RAI14: variants seen among roughly 807,000 people sequenced by gnomAD.
RAI14 encodes the protein ankycorbin.
Under a neutral mutation model 115.4 loss-of-function variants are expected in RAI14, and 45 were observed. That is an observed-to-expected ratio of 0.39 (90% CI 0.31 to 0.50). The LOEUF (loss-of-function observed/expected upper bound fraction) is 0.50, where lower values mean the gene tolerates loss of function less well. Ranked by LOEUF, RAI14 falls within the 20% of genes least tolerant of loss-of-function variation. The pLI is 0.85. For synonymous variants in RAI14, 371 were observed against 415.4 expected, an observed-to-expected ratio of 0.89 and a Z score of 1.30; for missense variants, 939 against 1,131.2, an observed-to-expected ratio of 0.83 and a Z score of 2.44.
chr5:34,767,277 C>T (rs1307441076), intron 3 of RAI14, among the ~76,000 whole-genome samples: 1 of 152,174 alleles, frequency 6.6e-6, no homozygotes, highest in Non-Finnish European at 1.5e-5. Context: ...CTTTTCCTCT[C>T]TCTGTTCCCT....
chr5:34,766,752 T>A (rs1324136601), intron 3 of RAI14, among the ~76,000 whole-genome samples: 1 of 152,144 alleles, frequency 6.6e-6, no homozygotes, highest in Non-Finnish European at 1.5e-5. Flanking sequence ...TTGAAATCTC[T>A]CCACATGAGA....
chr5:34,686,935 G>A lies in RAI14; in HGVS notation c.16G>A (p.Ala6Thr). Residue 6 changes from alanine to threonine, a missense_variant, in exon 2 of 18, where the codon GCG becomes ACG. Coordinates refer to ENST00000265109, the MANE Select transcript of RAI14 (RefSeq NM_015577.3). MKSLK[A>T]KFRKSDTNEW... ...TGCACTAAACATGAAGAGCTTGAAAGCGAAGTTCAGGAAGAGTGACGTGAG... is the reference window on the plus strand; with the variant it reads ...TGCACTAAACATGAAGAGCTTGAAAACGAAGTTCAGGAAGAGTGACGTGAG... 1 of 1,613,792 alleles carries A rather than the reference G, an allele frequency of 6.2e-7. No individual in the cohort carries two copies. Among genetic ancestry groups the A allele is most frequent in the Non-Finnish European group, 8.5e-7 (1 of 1,179,838 alleles).
Position 34,686,892 on chromosome 5 carries a change from G to T in RAI14, c.-28G>T, listed in dbSNP as rs763169622. ...CTTAGGTGTTGAAAAGTCTCCTCTA[G>T]AGCTTTGGAAGGCTGAATGCACTAA... is the stretch of plus-strand genomic sequence containing the variant. On this transcript the variant is annotated 5_prime_UTR_variant, in exon 2 of 18. Coordinates refer to ENST00000265109, the MANE Select transcript of RAI14 (RefSeq NM_015577.3). 23 of 1,612,408 alleles carry T rather than the reference G, an allele frequency of 1.4e-5. No individual in the cohort carries two copies. Among genetic ancestry groups the T allele is most frequent in the Non-Finnish European group, 1.9e-5 (22 of 1,179,160 alleles).
Position 34,781,135 on chromosome 5 carries a change from C to T in RAI14, c.168-14804C>T, listed in dbSNP as rs1452615619. Among the ~76,000 whole-genome samples the T allele has an allele frequency of 4.0e-5, 6 of 149,676 alleles. No homozygotes were observed. In the East Asian group the frequency reaches 9.9e-4, roughly 25 times the overall value. ...TATCACAAGGACAAAAAAAACCAAG[C>T]ACCGCATGTTCTCACTTATAGGTGG... On this transcript the variant is annotated intron_variant, in intron 3 of 17. Coordinates refer to ENST00000265109, the MANE Select transcript of RAI14 (RefSeq NM_015577.3).
chr5:34,794,890 G>A (rs1158652666), intron 3 of RAI14, among the ~76,000 whole-genome samples: 3 of 152,224 alleles, frequency 2.0e-5, no homozygotes, highest in Admixed American at 6.5e-5. Flanking sequence ...CCTTCCCAGC[G>A]AGAAAATATT....
At chr5:34,683,234 C>T (rs1744515019) in intron 1 of RAI14, among the ~76,000 whole-genome samples, 1 of 152,178 alleles carries the variant, frequency 6.6e-6, no homozygotes, top group Non-Finnish European at 1.5e-5. Context: ...ATTTCCAGAA[C>T]TTCTTTTCCT....
At chr5:34,816,956 G>A (rs576267661) in intron 12 of RAI14, among the ~76,000 whole-genome samples, 65 of 151,966 alleles carry the variant, frequency 4.3e-4, no homozygotes, top group South Asian at 4.0e-3. Context: ...TTATTCCTAC[G>A]TTAGCTTAGG....
intron 3 of RAI14, among the ~76,000 whole-genome samples, chr5:34,765,016 G>A (rs1267427469): frequency 6.6e-6 from 1 of 152,130 alleles, no homozygotes; most frequent in African/African-American, 2.4e-5. Context: ...GATGATTTTA[G>A]TAGGGGTTTT....
chr5:34,737,343 C>A (rs957010419), intron 2 of RAI14, among the ~76,000 whole-genome samples: 1 of 151,948 alleles, frequency 6.6e-6, no homozygotes. Context: ...GTAGTATTAG[C>A]GTAAAATTTT....
chr5:34,663,726 G>A (rs112965928), intron 1 of RAI14, among the ~76,000 whole-genome samples: 4 of 152,280 alleles, frequency 2.6e-5, no homozygotes, highest in East Asian at 1.9e-4. Context: ...CCCTCATGGC[G>A]GTCATCAGAT....
chr5:34,814,744 C>A, intron 12 of RAI14, 75 bp downstream of exon 12: 1 of 1,125,852 alleles, frequency 8.9e-7, no homozygotes, highest in Non-Finnish European at 1.3e-6. Context: ...TTATATAACA[C>A]TGGGAAAAAC....
At chr5:34,775,401 A>G (rs1750711657) in intron 3 of RAI14, among the ~76,000 whole-genome samples, 1 of 152,162 alleles carries the variant, frequency 6.6e-6, no homozygotes. Context: ...GAGCTCAAAC[A>G]ATTCTATAGG....
intron 3 of RAI14, among the ~76,000 whole-genome samples, chr5:34,762,594 G>T (rs1436854994): frequency 6.6e-6 from 1 of 152,194 alleles, no homozygotes; most frequent in African/African-American, 2.4e-5. Context: ...ATAAAGGAAG[G>T]GTGGTGTCTT....
chr5:34,788,252 A>T (rs1752549216), intron 3 of RAI14, among the ~76,000 whole-genome samples: 1 of 151,984 alleles, frequency 6.6e-6, no homozygotes, highest in Non-Finnish European at 1.5e-5. Context: ...TAGATAATTC[A>T]TAGTTGTGGG....
At chr5:34,696,224 C>T (rs1198397619) in intron 2 of RAI14, among the ~76,000 whole-genome samples, 3 of 152,044 alleles carry the variant, frequency 2.0e-5, no homozygotes, top group Non-Finnish European at 2.9e-5. Flanking sequence ...CTGCAACCTC[C>T]GCCTCCCGGG....
At chr5:34,799,404 A>G (rs1190229765) in intron 4 of RAI14, among the ~76,000 whole-genome samples, 8 of 152,098 alleles carry the variant, frequency 5.3e-5, no homozygotes, top group Non-Finnish European at 1.2e-4. Context: ...GTCACCTTCA[A>G]TCTGAAGATC....
chr5:34,822,933 T>G (rs771096553), intron 14 of RAI14, 23 bp from the exon 15 acceptor site: 10 of 1,575,096 alleles, frequency 6.3e-6, no homozygotes, highest in Non-Finnish European at 8.7e-6. Flanking sequence ...TGATATCATT[T>G]AATTCTTGCT....
At chr5:34,720,536 G>A (rs907990555) in intron 2 of RAI14, among the ~76,000 whole-genome samples, 1 of 149,756 alleles carries the variant, frequency 6.7e-6, no homozygotes, top group Non-Finnish European at 1.5e-5. Flanking sequence ...TCAGCCTCCC[G>A]AGTAGCTGGG....
intron 7 of RAI14, among the ~76,000 whole-genome samples, 190 bp downstream of exon 7, chr5:34,808,844 C>T (rs926105822): frequency 7.2e-5 from 11 of 152,178 alleles, no homozygotes; most frequent in Non-Finnish European, 1.3e-4. Flanking sequence ...TACTGCAGCT[C>T]AGGTCATCAG....
Sources: gnomAD v4.1 joint callset for allele counts (sites outside exome capture counted in the v4.1 genomes callset) on GRCh38, gnomAD v4.1.1 for gene constraint, MANE v1.5 for transcripts, NCBI Gene and HGNC (gene_info 2026-07-23, HGNC 2026-07-21) for gene names.